Variants in POLG2 observed in about 807,000 individuals in gnomAD.
The protein encoded by POLG2 is DNA polymerase subunit gamma-2.
POLG2 carries 50 observed loss-of-function variants against 56.5 expected under a neutral mutation model. The ratio of observed to expected loss-of-function variants is 0.88; its 90% CI spans 0.71 to 1.12. The LOEUF (loss-of-function observed/expected upper bound fraction) is 1.12, where lower values mean the gene tolerates loss of function less well. POLG2 is among the 50% of genes most tolerant of loss of function. The pLI is 0.00. For missense variants in POLG2, 584 were observed against 583.3 expected (o/e 1.00, Z -0.01); for synonymous variants, 226 against 222.6 (o/e 1.02, Z -0.14).
At chr17:64,480,817 A>G (rs58189075) in intron 6 of POLG2, among the ~76,000 whole-genome samples, 1 of 152,196 alleles carries the variant, frequency 6.6e-6, no homozygotes, top group Non-Finnish European at 1.5e-5. Flanking sequence ...AAGAGCCAGG[A>G]AAGAAAAAGG....
At chr17:64,491,933 AAAAAAC>A (rs1238523252) in intron 3 of POLG2, 1 of 220,650 alleles carries the variant, frequency 4.5e-6, no homozygotes, top group Non-Finnish European at 9.1e-6. Flanking sequence ...TGTGAAAAAA[AAAAAAC>A]AAAAAAAAAA....
Position 64,480,306 on chromosome 17 carries a change from C to T in POLG2, c.1275G>A (p.Leu425=). Residue 425 remains leucine, a synonymous_variant, in exon 7 of 8, where the codon TTG becomes TTA. Transcript: ENST00000539111. The stretch of plus-strand genomic sequence containing the variant: ...ATTCTTACTTCGAATAAAGTTGTTC[C>T]AATGAGGACTGCATAGTTTCCAAAT... ...PGYLETMQSS[L]EQLYSKYDEM... The T allele has an allele frequency of 1.9e-6, 3 of 1,555,704 alleles. No homozygotes were observed. Among genetic ancestry groups the T allele is most frequent in the Non-Finnish European group, 2.7e-6 (3 of 1,130,676 alleles).
chr17:64,483,696 G>T (rs1197162443), intron 5 of POLG2, among the ~76,000 whole-genome samples: 1 of 149,488 alleles, frequency 6.7e-6, no homozygotes, highest in Admixed American at 6.7e-5. Context: ...TTTTTTGAAT[G>T]AAAAAAATTT....
In POLG2 at chr17:64,492,955, T is replaced by C. The variant is rs2038088469; in HGVS notation, c.629A>G (p.Gln210Arg). 1 of 1,613,886 alleles carries C rather than the reference T, an allele frequency of 6.2e-7. No individual in the cohort carries two copies. Among genetic ancestry groups the C allele is most frequent in the African/African-American group, 1.3e-5 (1 of 74,934 alleles). Residue 210 changes from glutamine to arginine, a missense_variant, in exon 2 of 8, where the codon CAG (glutamine) becomes CGG (arginine). Gln to Arg is a conservative substitution (Grantham distance 43). Coordinates refer to ENST00000539111, the MANE Select transcript of POLG2 (RefSeq NM_007215.4). ...AACAGGATGAAAACACACTCCAATC[T>C]GAGCAAGGCCATAAGGTAGCCTCTT... The part of the protein sequence containing the change: ...VNKRLPYGLA[Q>R]IGVCFHPVFD...
intron 4 of POLG2, chr17:64,487,126 TTC>T (rs1370714462): frequency 8.6e-5 from 13 of 151,938 alleles, no homozygotes; most frequent in African/African-American, 1.4e-4. Flanking sequence ...AATCCTCAGC[TTC>T]TGTTAATTAT....
At position 64,490,810 on chromosome 17, in the gene POLG2, C is replaced by T; in HGVS notation, c.955G>A (p.Val319Met). ...HELLHMYPGNVSKLHGRDGRK... is the reference protein window; with the variant it reads ...HELLHMYPGNMSKLHGRDGRK... ...GTAAAACATACATGTAATTTAGACA[C>T]ATTGCCAGGATACATGTGTAAAAGT... The change falls in exon 4 of 8, where the codon GTG becomes ATG. Residue 319 changes from valine (V) to methionine (M), a missense_variant. Coordinates refer to ENST00000539111, the MANE Select transcript of POLG2 (RefSeq NM_007215.4). The T allele has an allele frequency of 6.2e-7, 1 of 1,612,632 alleles. No homozygotes were observed. The highest frequency in any genetic ancestry group is 8.5e-7 in the Non-Finnish European group (1 of 1,178,658).
intron 2 of POLG2, 52 bp downstream of exon 2, chr17:64,492,843 C>T: frequency 6.2e-7 from 1 of 1,608,692 alleles, no homozygotes; most frequent in Non-Finnish European, 8.5e-7. Flanking sequence ...GTGGAAATGA[C>T]TGGTTTTTGA....
At position 64,492,448 on chromosome 17, in the gene POLG2, G is replaced by A. The variant is rs556480539; in HGVS notation, c.795+219C>T. ...CTTTGAATTTTACCTTACACAGAAA[G>A]GCTAATTAACAAACACATCTGAGCC... On this transcript the variant is annotated intron_variant, in intron 3 of 7. Coordinates refer to ENST00000539111, the MANE Select transcript of POLG2 (RefSeq NM_007215.4). Among the ~76,000 whole-genome samples the A allele has an allele frequency of 3.3e-5, 5 of 152,262 alleles. No individual in the cohort carries two copies. The East Asian group carries it at 7.7e-4, about 23-fold the overall frequency.
chr17:64,496,416 G>C lies in POLG2; in HGVS notation c.553C>G (p.Leu185Val), dbSNP rs1273775729. Reference protein sequence around the residue: ...LKTSGKLRENLLHGALEHYVN... With the variant: ...LKTSGKLRENVLHGALEHYVN... ...AAATCGTGAAGCATACCGTGAAGAA[G>C]GTTCTCCCGTAGTTTCCCAGAAGTT... The change falls in exon 1 of 8, where the codon CTT (leucine) becomes GTT (valine). Residue 185 changes from leucine (L) to valine (V), a missense_variant. Coordinates refer to ENST00000539111, the MANE Select transcript of POLG2 (RefSeq NM_007215.4). 2 of 1,574,390 alleles carry C rather than the reference G, an allele frequency of 1.3e-6. No homozygotes were observed. Among genetic ancestry groups the C allele is most frequent in the African/African-American group, 2.7e-5 (2 of 73,920 alleles).
intron 3 of POLG2, chr17:64,491,397 C>A: frequency 1.6e-6 from 1 of 632,924 alleles, no homozygotes; most frequent in Non-Finnish European, 2.6e-6. Flanking sequence ...GACTTCGAGA[C>A]CAGCCTGGGT....
Position 64,477,963 on chromosome 17 carries a change from T to C in POLG2, c.1318A>G (p.Thr440Ala). 1.6e-5 allele frequency: 26 copies of C among 1,613,916 alleles called. No homozygotes were observed. Among genetic ancestry groups the C allele is most frequent in the Non-Finnish European group, 2.2e-5 (26 of 1,179,930 alleles). ...SKYDEMSILF[T>A]VLVTETTLEN... Reference sequence around the variant, plus strand: ...AAAGTAGTTTCAGTAACCAAAACTGTGAAGAGAATACTCATTTCATCATAC... The same window carrying C: ...AAAGTAGTTTCAGTAACCAAAACTGCGAAGAGAATACTCATTTCATCATAC... The change falls in exon 8 of 8, where the codon ACA becomes GCA. Residue 440 changes from threonine to alanine, a missense_variant. Transcript: ENST00000539111.
At chr17:64,478,690 G>A (rs1006809197) in intron 7 of POLG2, among the ~76,000 whole-genome samples, 7 of 152,112 alleles carry the variant, frequency 4.6e-5, no homozygotes, top group African/African-American at 1.7e-4. Context: ...GAGGTCAGGA[G>A]TTCGAGACCA....
chr17:64,495,593 T>C (rs2038137657), intron 1 of POLG2, among the ~76,000 whole-genome samples: 1 of 152,150 alleles, frequency 6.6e-6, no homozygotes, highest in African/African-American at 2.4e-5. Context: ...AATTTACCAA[T>C]TCATATTTAA....
At chr17:64,480,877 CAAG>C (rs768440608) in intron 6 of POLG2, among the ~76,000 whole-genome samples, 6 of 152,136 alleles carry the variant, frequency 3.9e-5, no homozygotes, top group Non-Finnish European at 8.8e-5. Flanking sequence ...GAAAATGTTT[CAAG>C]AAGAGACTGA....
chr17:64,493,110 G>A (rs1555668890), intron 1 of POLG2, 89 bp from the exon 2 acceptor site: 24 of 1,340,630 alleles, frequency 1.8e-5, no homozygotes, highest in East Asian at 2.3e-5. Flanking sequence ...TAGTAATAAC[G>A]TTAACACAGC....
Position 64,493,139 on chromosome 17 carries a change from T to C in POLG2, c.563-118A>G, listed in dbSNP as rs41553317. 155,816 of 1,158,920 alleles carry C rather than the reference T, an allele frequency of 0.13. 23,483 individuals are homozygous for C. Among genetic ancestry groups the C allele is most frequent in the African/African-American group, 0.71 (46,560 of 65,576 alleles). 71.8% of individuals were successfully genotyped at this position (1,158,920 alleles called of 1,614,324 possible). On this transcript the variant is annotated intron_variant, in intron 1 of 7. Transcript: ENST00000539111. ...ACACAGCATAAAGACAGATGTTGGC[T>C]AAGCTTGGTGGCTCACGCCTATAAT...
intron 5 of POLG2, chr17:64,484,006 A>G (rs1044894178): frequency 2.0e-5 from 3 of 152,282 alleles, no homozygotes; most frequent in Admixed American, 6.5e-5. Flanking sequence ...TGAGCCATTC[A>G]GCCCAGCCTT....
In POLG2 at chr17:64,485,844, C is replaced by T. The variant is rs782793489; in HGVS notation, c.994G>A (p.Val332Ile). Residue 332 changes from valine to isoleucine, a missense_variant, in exon 5 of 8, where the codon GTT (valine) becomes ATT (isoleucine). Coordinates refer to ENST00000539111, the MANE Select transcript of POLG2 (RefSeq NM_007215.4). ...LHGRDGRKNV[V>I]PCVLSVNGDL... ...CCATTTACAGAGAGAACACAAGGAA[C>T]CACATTTTTTCGTCCATCTCGGCCC... 2.5e-6 allele frequency: 4 copies of T among 1,614,020 alleles called. 1 individual carries two copies. The South Asian group carries it at 4.4e-5, about 18-fold the overall frequency.
chr17:64,495,152 T>C (rs1275153700), intron 1 of POLG2, among the ~76,000 whole-genome samples: 2 of 119,230 alleles, frequency 1.7e-5, no homozygotes, highest in Non-Finnish European at 3.2e-5. Context: ...CACTCCAGCC[T>C]GGGCGGCAGA....
Sources: allele counts gnomAD v4.1 joint callset (sites outside exome capture counted in the v4.1 genomes callset), GRCh38; gene constraint gnomAD v4.1.1; transcripts MANE v1.5; gene names NCBI Gene and HGNC (gene_info 2026-07-23, HGNC 2026-07-21).